Variants in GPR137 observed in about 807,000 individuals in gnomAD.
GPR137 encodes the protein G protein-coupled receptor 137.
Under a neutral mutation model 38.9 loss-of-function variants are expected in GPR137, and 20 were observed. The ratio of observed to expected loss-of-function variants is 0.51; its 90% CI spans 0.36 to 0.75. The LOEUF is 0.75. Ranked by LOEUF, GPR137 falls within the 30% of genes least tolerant of loss-of-function variation. The pLI is 0.00. For missense variants in GPR137, 456 were observed against 526.4 expected, an observed-to-expected ratio of 0.87 and a Z score of 1.31; for synonymous variants, 226 against 235.8, an observed-to-expected ratio of 0.96 and a Z score of 0.38.
upstream of GPR137, among the ~76,000 whole-genome samples, chr11:64,282,975 GCCCAGA>G (rs1387655823): frequency 8.1e-3 from 1,239 of 152,124 alleles, 19 homozygotes; most frequent in African/African-American, 0.029. Flanking sequence ...GATCACTTAA[GCCCAGA>G]AGTTCCGGGC....
chr11:64,270,900 G>GAC (rs71045754), upstream of GPR137, among the ~76,000 whole-genome samples: 1,289 of 87,636 alleles, frequency 0.015, 80 homozygotes, highest in African/African-American at 0.029. Flanking sequence ...TGCCCTGTGA[G>GAC]ACACACACAC....
In GPR137 at chr11:64,285,916, C is replaced by G. The variant is rs2033955716; in HGVS notation, c.-609C>G. ...CCTGAGCCGGCTCTCCCATCAGCGGCCTGAGGACCTGGCGTCCGCCTCCTC... is the reference window on the plus strand; with the variant it reads ...CCTGAGCCGGCTCTCCCATCAGCGGGCTGAGGACCTGGCGTCCGCCTCCTC... On this transcript the variant is annotated 5_prime_UTR_variant, in exon 1 of 7. Coordinates refer to ENST00000438980, the MANE Select transcript of GPR137 (RefSeq NM_001170880.2). 1.0e-6 allele frequency: 1 copy of G among 968,908 alleles called. No individual in the cohort carries two copies. Among genetic ancestry groups the G allele is most frequent in the Non-Finnish European group, 1.2e-6 (1 of 814,882 alleles). The allele number at this position is 968,908 out of a possible 1,614,324, so 60.0% of individuals were successfully genotyped here. A position where few individuals can be genotyped will look rare whatever the true frequency, so the allele number is the denominator to read the frequency against.
Position 64,288,482 on chromosome 11 carries a change from C to T in GPR137, c.912+14C>T, listed in dbSNP as rs567031304. 1 of 1,613,058 alleles carries T rather than the reference C, an allele frequency of 6.2e-7. No homozygotes were observed. The highest frequency in any genetic ancestry group is 1.1e-5 in the South Asian group (1 of 91,046). ...CCACAGGACCTGGTAAGGGTCTGCT[C>T]CCTCTTCTGTGGGGCCAGTGGAGGG... On this transcript the variant is annotated intron_variant, in intron 5 of 6. Transcript: ENST00000438980. This position sits in a 1 kb window ranked among gnomAD's most constrained non-coding sequence, Gnocchi z 5.5.
intron 2 of GPR137, among the ~76,000 whole-genome samples, chr11:64,277,525 A>T (rs558675610): frequency 6.6e-6 from 1 of 152,296 alleles, no homozygotes; most frequent in East Asian, 1.9e-4. Flanking sequence ...GCAGCCTCAA[A>T]ATCCTAGGCG....
upstream of GPR137, among the ~76,000 whole-genome samples, chr11:64,281,540 T>C (rs1289254349): frequency 6.6e-6 from 1 of 152,116 alleles, no homozygotes; most frequent in Non-Finnish European, 1.5e-5. Context: ...CTAAACCCCC[T>C]CCCCTAGGCC....
intron 1 of GPR137, among the ~76,000 whole-genome samples, chr11:64,275,954 G>C (rs2033025683): frequency 6.6e-6 from 1 of 152,140 alleles, no homozygotes; most frequent in Non-Finnish European, 1.5e-5. Flanking sequence ...CTAAGGCAGA[G>C]AGCATAGGTA....
Position 64,286,428 on chromosome 11 carries a change from C to A in GPR137, c.-97C>A. On this transcript the variant is annotated 5_prime_UTR_variant, in exon 1 of 7. In the 5' UTR this introduces an upstream ATG that the reference lacks. Transcript: ENST00000438980. The stretch of plus-strand genomic sequence containing the variant: ...CCTCCTGAGCGCCCCATCTCCCTCT[C>A]TGCACCCTGCAATTCCCACCCCTCC... The A allele has an allele frequency of 1.3e-6, 2 of 1,517,088 alleles. No individual in the cohort carries two copies. Among genetic ancestry groups the A allele is most frequent in the East Asian group, 2.3e-5 (1 of 43,278 alleles). The allele number at this position is 1,517,088 out of a possible 1,614,324, so 94.0% of individuals were successfully genotyped here. A position where few individuals can be genotyped will look rare whatever the true frequency, so the allele number is the denominator to read the frequency against.
Position 64,287,717 on chromosome 11 carries a change from G to A in GPR137, c.408-4G>A. On this transcript the variant is annotated splice_region_variant and splice_polypyrimidine_tract_variant and intron_variant, in intron 2 of 6. Coordinates refer to ENST00000438980, the MANE Select transcript of GPR137 (RefSeq NM_001170880.2). Reference sequence around the variant, plus strand: ...GGCCCGCGCTGACTGTGCTGTGGCTGCAGGCTCGCTGTCCGAGGGGCCTTT... The same window carrying A: ...GGCCCGCGCTGACTGTGCTGTGGCTACAGGCTCGCTGTCCGAGGGGCCTTT... The A allele has an allele frequency of 6.2e-7, 1 of 1,603,386 alleles. No individual in the cohort carries two copies.
At chr11:64,284,075 T>G (rs1046380528), upstream of GPR137, 5 of 1,359,104 alleles carry the variant, frequency 3.7e-6, no homozygotes, top group Admixed American at 7.2e-5. Context: ...TCTGAGAGTT[T>G]GGGGACCGAC....
At chr11:64,284,110 G>A, upstream of GPR137, 1 of 1,486,304 alleles carries the variant, frequency 6.7e-7, no homozygotes, top group Non-Finnish European at 8.9e-7. Context: ...GCCTGTGGAT[G>A]CAACTGGGAT....
At chr11:64,284,522 T>C, upstream of GPR137, 4 of 1,538,996 alleles carry the variant, frequency 2.6e-6, no homozygotes, top group South Asian at 1.2e-5. Flanking sequence ...GTCTGCCGGG[T>C]CTGGCCTGGC....
upstream of GPR137, chr11:64,285,235 G>A (rs2033816869): frequency 1.0e-6 from 1 of 987,224 alleles, no homozygotes; most frequent in African/African-American, 1.7e-5. Context: ...GACACCTCCC[G>A]CGCCATCTCG....
intron 2 of GPR137, 37 bp downstream of exon 2, chr11:64,287,051 G>T (rs765674972): frequency 6.2e-7 from 1 of 1,604,324 alleles, no homozygotes; most frequent in Non-Finnish European, 8.5e-7. Context: ...CAGCCTCCAG[G>T]TCAGGGGCAG....
At chr11:64,271,527 G>C (rs971597516), upstream of GPR137, 4 of 1,306,534 alleles carry the variant, frequency 3.1e-6, no homozygotes, top group Non-Finnish European at 3.9e-6. Flanking sequence ...CTCCAGATCC[G>C]GGCGTGCCTT....
At chr11:64,276,671 C>G in intron 2 of GPR137, 1 of 523,114 alleles carries the variant, frequency 1.9e-6, no homozygotes, top group Non-Finnish European at 3.4e-6. Context: ...GGGAAAAACC[C>G]TGGGGGAGTG....
upstream of GPR137, chr11:64,284,767 G>C: frequency 2.0e-6 from 3 of 1,535,268 alleles, no homozygotes; most frequent in Non-Finnish European, 2.6e-6. Flanking sequence ...CACTCGGGTA[G>C]GTCCAGAGGC....
chr11:64,282,900 A>G (rs1017117064), upstream of GPR137, among the ~76,000 whole-genome samples: 62 of 151,040 alleles, frequency 4.1e-4, no homozygotes, highest in East Asian at 1.6e-3. Flanking sequence ...AAAAAAAAAA[A>G]GAAAAAGTAA....
exon 1 of GPR137, chr11:64,270,649 G>T (rs957453435): frequency 9.9e-6 from 6 of 608,250 alleles, no homozygotes; most frequent in East Asian, 3.6e-5. Flanking sequence ...GAATCAAAGG[G>T]CCGGGAGCGA....
In GPR137 at chr11:64,286,477, G is replaced by A; in HGVS notation, c.-48G>A. On this transcript the variant is annotated 5_prime_UTR_variant, in exon 1 of 7. Coordinates refer to ENST00000438980, the MANE Select transcript of GPR137 (RefSeq NM_001170880.2). ...CCGTATTTATTTCCCTGGTCCCGCCGACAGTCCCTCCTTGTCTGTCTCCGG... is the reference window on the plus strand; with the variant it reads ...CCGTATTTATTTCCCTGGTCCCGCCAACAGTCCCTCCTTGTCTGTCTCCGG... 1.3e-6 allele frequency: 2 copies of A among 1,564,628 alleles called. No individual in the cohort carries two copies. The highest frequency in any genetic ancestry group is 8.7e-7 in the Non-Finnish European group (1 of 1,152,642).
Sources: allele counts gnomAD v4.1 joint callset (sites outside exome capture counted in the v4.1 genomes callset), GRCh38; gene constraint gnomAD v4.1.1; non-coding constraint Gnocchi (gnomAD v3.1); transcripts MANE v1.5; gene names NCBI Gene and HGNC (gene_info 2026-07-23, HGNC 2026-07-21).